CDH3: variants seen among roughly 807,000 people sequenced by gnomAD.
CDH3 encodes cadherin 3.
Under a neutral mutation model 82.0 loss-of-function variants are expected in CDH3, and 54 were observed. The observed-to-expected ratio is 0.66, with a 90% CI of 0.53 to 0.83. The LOEUF (loss-of-function observed/expected upper bound fraction) is 0.83, where lower values mean the gene tolerates loss of function less well. Among genes scored for constraint, CDH3 ranks in the 40% least tolerant of loss-of-function variants. The pLI is 0.00. For missense variants in CDH3, 1,054 were observed against 1,084.6 expected, an observed-to-expected ratio of 0.97 and a Z score of 0.40; for synonymous variants, 446 against 437.9, an observed-to-expected ratio of 1.02 and a Z score of -0.23.
downstream of CDH3, among the ~76,000 whole-genome samples, chr16:68,730,596 T>C (rs190618780): frequency 2.3e-3 from 346 of 152,288 alleles, 1 homozygote; most frequent in African/African-American, 8.0e-3. Context: ...AGCCATTCAA[T>C]GATATTGAGG....
intron 2 of CDH3, among the ~76,000 whole-genome samples, chr16:68,655,510 A>G (rs942859505): frequency 1.3e-5 from 2 of 152,194 alleles, no homozygotes; most frequent in African/African-American, 4.8e-5. Flanking sequence ...ATCTGCTAGT[A>G]TAGAGGGACA....
chr16:68,730,281 C>G (rs1457409264), downstream of CDH3, among the ~76,000 whole-genome samples: 3 of 148,544 alleles, frequency 2.0e-5, no homozygotes, highest in Admixed American at 1.4e-4. Flanking sequence ...AATCCCAGCA[C>G]TTTGGGAGGC....
At chr16:68,682,807 C>T (rs1961269824) in intron 9 of CDH3, among the ~76,000 whole-genome samples, 1 of 152,208 alleles carries the variant, frequency 6.6e-6, no homozygotes, top group Non-Finnish European at 1.5e-5. Flanking sequence ...TCCATGTTGA[C>T]TTTGCATTTA....
chr16:68,695,629 T>C, intron 14 of CDH3, 148 bp from the exon 15 acceptor site: 1 of 1,035,572 alleles, frequency 9.7e-7, no homozygotes, highest in East Asian at 2.5e-5. Context: ...AAACGAGGGT[T>C]TTCCAAAATC....
At chr16:68,702,023 T>TA (rs1428882715), downstream of CDH3, among the ~76,000 whole-genome samples, 1 of 151,580 alleles carries the variant, frequency 6.6e-6, no homozygotes, top group Non-Finnish European at 1.5e-5. Context: ...AAACTCCATC[T>TA]AAAAAATATA....
intron 10 of CDH3, 115 bp from the exon 11 acceptor site, chr16:68,685,090 A>C: frequency 5.4e-6 from 7 of 1,303,054 alleles, no homozygotes; most frequent in Non-Finnish European, 7.7e-6. Context: ...CATTTTCCAT[A>C]TGATCCTGCT....
In CDH3 at chr16:68,678,747, C is replaced by T. The variant is rs750898870; in HGVS notation, c.547-15C>T. On this transcript the variant is annotated splice_polypyrimidine_tract_variant and intron_variant, in intron 5 of 15. Transcript: ENST00000264012. ...GGGTGGCACCGGGCTGACCCCAGAG[C>T]TGTGTACCCCACAGCTCTTTGGCCA... is the stretch of plus-strand genomic sequence containing the variant. 1.2e-4 allele frequency: 195 copies of T among 1,614,084 alleles called. 2 individuals are homozygous for T. The highest frequency in any genetic ancestry group is 4.9e-4 in the Middle Eastern group (3 of 6,084).
chr16:68,731,045 A>ATACATATATATAT (rs1396395240), downstream of CDH3, among the ~76,000 whole-genome samples: 1 of 17,262 alleles, frequency 5.8e-5, no homozygotes, highest in African/African-American at 1.4e-4. Context: ...AAAAAAAAAA[A>ATACATATATATAT]AAATATATAT....
chr16:68,705,592 T>C (rs1219453342), intron 1 of CDH3, among the ~76,000 whole-genome samples: 1 of 151,620 alleles, frequency 6.6e-6, no homozygotes, highest in Non-Finnish European at 1.5e-5. Context: ...TGGCTAACTT[T>C]TGTATTTTTA....
chr16:68,660,850 T>C (rs1274627241), intron 2 of CDH3, among the ~76,000 whole-genome samples: 1 of 151,868 alleles, frequency 6.6e-6, no homozygotes, highest in Non-Finnish European at 1.5e-5. Flanking sequence ...TCCCAGCTAT[T>C]TGGGAGGCTG....
intron 2 of CDH3, among the ~76,000 whole-genome samples, chr16:68,646,992 G>T (rs1005359058): frequency 5.1e-5 from 3 of 58,422 alleles, no homozygotes; most frequent in Admixed American, 1.4e-4. Context: ...AATTCTTTCT[G>T]CAAATAACTG....
At chr16:68,662,580 C>G (rs1271507663) in intron 2 of CDH3, among the ~76,000 whole-genome samples, 1 of 123,226 alleles carries the variant, frequency 8.1e-6, no homozygotes, top group Non-Finnish European at 1.6e-5. Flanking sequence ...TGGAGTCTTG[C>G]TCTGTCGCCC....
At chr16:68,677,400 C>G (rs1254910475) in intron 3 of CDH3, among the ~76,000 whole-genome samples, 1 of 152,206 alleles carries the variant, frequency 6.6e-6, no homozygotes, top group Non-Finnish European at 1.5e-5. Context: ...ATGCTAAACT[C>G]TATTAAGCTG....
rs1038625276 is a variant in CDH3 at position 68,681,000 on chromosome 16, C to T, written c.900C>T (p.Ala300=). The T allele has an allele frequency of 1.2e-6, 2 of 1,613,974 alleles. No homozygotes were observed. Among genetic ancestry groups the T allele is most frequent in the Admixed American group, 1.7e-5 (1 of 59,990 alleles). ...CTGAGTACACACTGACCATCCAGGC[C>T]ACAGACATGGATGGGGACGGCTCCA... ...KVPEYTLTIQ[A]TDMDGDGSTT... Residue 300 remains alanine, a synonymous_variant, in exon 8 of 16, where the codon GCC becomes GCT. Coordinates refer to ENST00000264012, the MANE Select transcript of CDH3 (RefSeq NM_001793.6).
Position 68,678,607 on chromosome 16 carries a change from GGTT to G in CDH3, c.505_507del (p.Leu169del), listed in dbSNP as rs778699617. On this transcript the variant is annotated inframe_deletion, in exon 5 of 16. Transcript: ENST00000264012. ...TTCGCTGTAGAGAAGGAGACAGGCTGGTTGTTGTTGAATAAGCCACTGGACCGG... is the reference window on the plus strand; with the variant it reads ...TTCGCTGTAGAGAAGGAGACAGGCTGGTTGTTGAATAAGCCACTGGACCGG... The G allele has an allele frequency of 2.5e-6, 4 of 1,614,130 alleles. No individual in the cohort carries two copies. The highest frequency in any genetic ancestry group is 3.4e-6 in the Non-Finnish European group (4 of 1,180,050).
chr16:68,662,703 C>G (rs1960622124), intron 2 of CDH3, among the ~76,000 whole-genome samples: 1 of 151,788 alleles, frequency 6.6e-6, no homozygotes, highest in Admixed American at 6.6e-5. Context: ...CGCCACCACG[C>G]CCGGCTAATT....
chr16:68,698,287 A>C lies in CDH3; in HGVS notation c.2377A>C (p.Ser793Arg), dbSNP rs766733532. 2.5e-6 allele frequency: 4 copies of C among 1,614,096 alleles called. No homozygotes were observed. The highest frequency in any genetic ancestry group is 3.4e-6 in the Non-Finnish European group (4 of 1,180,044). ...EGSGSDAASLSSLTSSASDQD... is the reference protein window; with the variant it reads ...EGSGSDAASLRSLTSSASDQD... ...CAGCGGCTCCGACGCCGCGTCCCTGAGCTCCCTCACCTCCTCCGCCTCCGA... is the reference window on the plus strand; with the variant it reads ...CAGCGGCTCCGACGCCGCGTCCCTGCGCTCCCTCACCTCCTCCGCCTCCGA... Residue 793 changes from serine to arginine, a missense_variant, in exon 16 of 16, where the codon AGC becomes CGC. Ser to Arg is a moderately radical substitution (Grantham distance 110). Transcript: ENST00000264012.
At chr16:68,666,996 T>C (rs927097329) in intron 2 of CDH3, among the ~76,000 whole-genome samples, 4 of 152,130 alleles carry the variant, frequency 2.6e-5, no homozygotes, top group African/African-American at 9.7e-5. Flanking sequence ...CCTGGGTCAA[T>C]GGGCTTGTTT....
intron 13 of CDH3, among the ~76,000 whole-genome samples, chr16:68,694,877 G>T (rs964461440): frequency 1.3e-5 from 2 of 152,164 alleles, no homozygotes; most frequent in African/African-American, 4.8e-5. Context: ...AAGGAAGTCA[G>T]AATCTTCTAG....
Sources: allele counts gnomAD v4.1 joint callset (sites outside exome capture counted in the v4.1 genomes callset), GRCh38; gene constraint gnomAD v4.1.1; transcripts MANE v1.5; gene names NCBI Gene and HGNC (gene_info 2026-07-23, HGNC 2026-07-21).